GTF2F2: variants seen among roughly 807,000 people sequenced by gnomAD.
GTF2F2 encodes general transcription factor IIF subunit 2.
In GTF2F2, 23 loss-of-function variants were observed where a neutral mutation model predicts 42.2. The ratio of observed to expected loss-of-function variants is 0.55; its 90% CI spans 0.39 to 0.77. The LOEUF (loss-of-function observed/expected upper bound fraction) is 0.77, where lower values mean the gene tolerates loss of function less well. Among genes scored for constraint, GTF2F2 ranks in the 30% least tolerant of loss-of-function variants. The probability of loss-of-function intolerance (pLI) is 0.00; values close to 1 mark genes in which losing one functional copy is unlikely to be tolerated. For synonymous variants in GTF2F2, 105 were observed against 100.8 expected (o/e 1.04, Z -0.25); for missense variants, 261 against 287.2 (o/e 0.91, Z 0.66).
chr13:45,122,301 G>A (rs572416688), intron 1 of GTF2F2, among the ~76,000 whole-genome samples: 1 of 152,170 alleles, frequency 6.6e-6, no homozygotes, highest in East Asian at 1.9e-4. Flanking sequence ...TGTGCAGTAC[G>A]AATTAGAGGG....
intron 5 of GTF2F2, among the ~76,000 whole-genome samples, chr13:45,240,975 CAAAA>C (rs1210038157): frequency 2.2e-4 from 23 of 106,498 alleles, no homozygotes; most frequent in African/African-American, 7.6e-4. Context: ...CCTGTTATTA[CAAAA>C]AAAAAAAAAA....
At chr13:45,125,307 T>TTTTTTG (rs767551625) in intron 1 of GTF2F2, among the ~76,000 whole-genome samples, 83 of 152,172 alleles carry the variant, frequency 5.5e-4, no homozygotes, top group South Asian at 4.2e-3. Flanking sequence ...CTCTCTGTTT[T>TTTTTTG]TTTTTGTTTT....
intron 5 of GTF2F2, among the ~76,000 whole-genome samples, chr13:45,209,792 T>C (rs965410498): frequency 9.2e-5 from 14 of 152,228 alleles, no homozygotes; most frequent in East Asian, 3.8e-4. Flanking sequence ...CCCGCTCTAC[T>C]AGCACTTTTC....
Position 45,203,257 on chromosome 13 carries a change from G to T in GTF2F2, c.305-4167G>T, listed in dbSNP as rs1482383436. On this transcript the variant is annotated intron_variant, in intron 4 of 7. Coordinates refer to ENST00000340473, the MANE Select transcript of GTF2F2 (RefSeq NM_004128.3). The stretch of plus-strand genomic sequence containing the variant: ...ACGCCCACCTTTTTTTTTTTTTTTT[G>T]GATTTTTAGTAGAGAGACGGTTTCC... Among the ~76,000 whole-genome samples the T allele has an allele frequency of 2.8e-3, 368 of 131,720 alleles. 4 individuals carry two copies. Among genetic ancestry groups the T allele is most frequent in the African/African-American group, 9.5e-3 (314 of 32,954 alleles). The allele number at this position is 131,720 out of a possible 152,430, so 86.4% of individuals were successfully genotyped here. A position where few individuals can be genotyped will look rare whatever the true frequency, so the allele number is the denominator to read the frequency against.
chr13:45,140,461 T>G (rs770060436), intron 2 of GTF2F2, among the ~76,000 whole-genome samples: 3 of 152,226 alleles, frequency 2.0e-5, no homozygotes, highest in Non-Finnish European at 4.4e-5. Context: ...AGTGAGACTT[T>G]GTACAAGTCA....
rs142945978 is a variant in GTF2F2 at position 45,150,726 on chromosome 13, T to G, written c.159+938T>G. Among the ~76,000 whole-genome samples, 1,059 of 150,440 alleles carry G rather than the reference T, an allele frequency of 7.0e-3. 18 individuals carry two copies. The highest frequency in any genetic ancestry group is 0.025 in the African/African-American group (1,006 of 40,412). On this transcript the variant is annotated intron_variant, in intron 3 of 7. Coordinates refer to ENST00000340473, the MANE Select transcript of GTF2F2 (RefSeq NM_004128.3). ...GCCCGGCTAATTTTTGTATTTTTAG[T>G]AGAGACAACGTTTTGTCATGTTGGC...
intron 5 of GTF2F2, among the ~76,000 whole-genome samples, chr13:45,233,406 G>T (rs941206269): frequency 1.3e-5 from 2 of 152,148 alleles, no homozygotes; most frequent in Admixed American, 1.3e-4. Context: ...ACATGGGCAC[G>T]TGTTCATTCC....
intron 4 of GTF2F2, among the ~76,000 whole-genome samples, chr13:45,184,523 G>T (rs1043381421): frequency 2.6e-5 from 4 of 151,644 alleles, no homozygotes; most frequent in African/African-American, 9.7e-5. Context: ...CCAAGTGCTG[G>T]GATTACCATG....
intron 4 of GTF2F2, among the ~76,000 whole-genome samples, chr13:45,160,278 G>A (rs531229458): frequency 3.3e-5 from 5 of 152,310 alleles, no homozygotes; most frequent in African/African-American, 1.2e-4. Context: ...TTTGGTTGAA[G>A]TATCTGAAGA....
At chr13:45,242,357 G>T (rs1247231948) in intron 5 of GTF2F2, among the ~76,000 whole-genome samples, 1 of 145,358 alleles carries the variant, frequency 6.9e-6, no homozygotes, top group Non-Finnish European at 1.5e-5. Context: ...CCTGCTTCTT[G>T]CTGTGAAAAC....
At chr13:45,275,698 A>C (rs1344814177) in intron 7 of GTF2F2, among the ~76,000 whole-genome samples, 2 of 152,082 alleles carry the variant, frequency 1.3e-5, no homozygotes, top group African/African-American at 4.8e-5. Flanking sequence ...AATCCAGTCT[A>C]TCATTGATGG....
intron 4 of GTF2F2, among the ~76,000 whole-genome samples, chr13:45,197,676 G>A (rs563714902): frequency 2.6e-5 from 4 of 152,228 alleles, no homozygotes; most frequent in African/African-American, 7.2e-5. Flanking sequence ...AGATTATCTC[G>A]TTTTAGTCTA....
chr13:45,255,166 C>CAAAAA (rs55795620), intron 6 of GTF2F2, among the ~76,000 whole-genome samples: 8 of 76,074 alleles, frequency 1.1e-4, no homozygotes, highest in Non-Finnish European at 1.9e-4. Context: ...GACTTTGTCT[C>CAAAAA]AAAAAAAAAA....
intron 7 of GTF2F2, among the ~76,000 whole-genome samples, chr13:45,276,101 T>C (rs1877023158): frequency 1.3e-5 from 2 of 152,248 alleles, no homozygotes; most frequent in Non-Finnish European, 2.9e-5. Context: ...AGTTTGTGTA[T>C]GTTCAGTACA....
chr13:45,216,356 G>T (rs1483444879), intron 5 of GTF2F2, among the ~76,000 whole-genome samples: 2 of 152,070 alleles, frequency 1.3e-5, no homozygotes, highest in Admixed American at 1.3e-4. Context: ...GTAGCTAAGT[G>T]TTGTCTCACC....
At chr13:45,235,814 G>C (rs1198075839) in intron 5 of GTF2F2, among the ~76,000 whole-genome samples, 2 of 151,400 alleles carry the variant, frequency 1.3e-5, no homozygotes, top group African/African-American at 4.9e-5. Flanking sequence ...CATGTTGACC[G>C]TGCTGGTCTC....
At chr13:45,281,948 C>T (rs1877284169) in intron 7 of GTF2F2, among the ~76,000 whole-genome samples, 1 of 152,188 alleles carries the variant, frequency 6.6e-6, no homozygotes, top group Admixed American at 6.5e-5. Context: ...CCTGTAATCC[C>T]AGCACTTTGG....
intron 4 of GTF2F2, among the ~76,000 whole-genome samples, chr13:45,191,224 A>AAATATATATATATATAT: frequency 2.9e-4 from 22 of 75,308 alleles, no homozygotes; most frequent in African/African-American, 1.8e-3. Flanking sequence ...ACAAAAAAAA[A>AAATATATATATATATAT]ATATATATAT....
At chr13:45,191,247 A>ATATATATATATATT (rs1872636819) in intron 4 of GTF2F2, among the ~76,000 whole-genome samples, 1 of 137,760 alleles carries the variant, frequency 7.3e-6, no homozygotes, top group African/African-American at 2.9e-5. Flanking sequence ...ATATATATAT[A>ATATATATATATATT]TATATATAGC....
Sources: gnomAD v4.1 joint callset for allele counts (sites outside exome capture counted in the v4.1 genomes callset) on GRCh38, gnomAD v4.1.1 for gene constraint, MANE v1.5 for transcripts, NCBI Gene and HGNC (gene_info 2026-07-23, HGNC 2026-07-21) for gene names.